The following ACOT7 variants were observed in gnomAD, a reference collection of about 807,000 sequenced individuals.
ACOT7 encodes cytosolic acyl coenzyme A thioester hydrolase.
A neutral mutation model predicts 40.2 loss-of-function variants in ACOT7; 12 were observed. That is an observed-to-expected ratio of 0.30 (90% CI 0.19 to 0.48). The LOEUF (loss-of-function observed/expected upper bound fraction) is 0.48. Among genes scored for constraint, ACOT7 ranks in the 20% least tolerant of loss-of-function variants. The probability of loss-of-function intolerance (pLI) is 0.99; values close to 1 mark genes in which losing one functional copy is unlikely to be tolerated. For missense variants in ACOT7, 395 were observed against 530.8 expected (o/e 0.74, Z 2.51); for synonymous variants, 228 against 219.5 (o/e 1.04, Z -0.34).
intron 7 of ACOT7, among the ~76,000 whole-genome samples, chr1:6,286,058 G>A (rs1419613611): frequency 6.6e-6 from 1 of 152,202 alleles, no homozygotes. Context: ...GCCATAACAA[G>A]GCAGCCAAGA....
chr1:6,294,962 A>G lies in ACOT7; in HGVS notation c.731T>C (p.Met244Thr). Residue 244 changes from methionine to threonine, a missense_variant, in exon 7 of 9, where the codon ATG (methionine) becomes ACG (threonine). Around this residue, in one of 2 missense-constraint regions of ACOT7, gnomAD observed 309 missense variants for 470.3 expected, o/e 0.66. Transcript: ENST00000361521. The surrounding 1 kb of genome is among the most constrained non-coding windows in gnomAD (Gnocchi z 4.6). Reference sequence around the variant, plus strand: ...AGCCACGATCCCGGCGACCTCATCCATGAGCTTCATGGTCACACCTGCGGA... The same window carrying G: ...AGCCACGATCCCGGCGACCTCATCCGTGAGCTTCATGGTCACACCTGCGGA... ...FVHGGVTMKLMDEVAGIVAAR... is the reference protein window; with the variant it reads ...FVHGGVTMKLTDEVAGIVAAR... The G allele has an allele frequency of 6.2e-7, 1 of 1,613,880 alleles. No individual in the cohort carries two copies. The highest frequency in any genetic ancestry group is 8.5e-7 in the Non-Finnish European group (1 of 1,179,864).
At position 6,299,511 on chromosome 1, in the gene ACOT7, G is replaced by A. The variant is rs978636670; in HGVS notation, c.713-4531C>T. ...CACACAGAGGGCATAGAGGACAGTC[G>A]GCCTCCCCTTACCAGGCACCACACA... On this transcript the variant is annotated intron_variant, in intron 6 of 8. Transcript: ENST00000361521. The surrounding 1 kb of genome is among the most constrained non-coding windows in gnomAD (Gnocchi z 4.1). 6.6e-6 allele frequency among the ~76,000 whole-genome samples: 1 copy of A among 151,846 alleles called. No individual in the cohort carries two copies. The highest frequency in any genetic ancestry group is 1.5e-5 in the Non-Finnish European group (1 of 67,966).
At chr1:6,331,469 C>G (rs997329852) in intron 4 of ACOT7, among the ~76,000 whole-genome samples, 1 of 152,184 alleles carries the variant, frequency 6.6e-6, no homozygotes, top group African/African-American at 2.4e-5. Flanking sequence ...ATGGAGGGCG[C>G]AGGGCCTTGC....
At chr1:6,273,395 G>A (rs1639091664) in intron 8 of ACOT7, among the ~76,000 whole-genome samples, 1 of 152,172 alleles carries the variant, frequency 6.6e-6, no homozygotes, top group Admixed American at 6.5e-5. Flanking sequence ...TGAGGCGACA[G>A]GGGCAGCTTC....
At chr1:6,364,651 T>C (rs927281269) in intron 1 of ACOT7, among the ~76,000 whole-genome samples, 9 of 151,102 alleles carry the variant, frequency 6.0e-5, no homozygotes, top group African/African-American at 1.9e-4. Flanking sequence ...AAATCGAGAC[T>C]ATCCTGGCCA....
intron 6 of ACOT7, among the ~76,000 whole-genome samples, chr1:6,304,772 G>T (rs1640078170): frequency 7.4e-6 from 1 of 134,930 alleles, no homozygotes; most frequent in South Asian, 2.5e-4. Flanking sequence ...AGAACAAAAT[G>T]AAAAGTCTCC....
rs749187380 is a variant in ACOT7 at position 6,278,609 on chromosome 1, C to T, written c.1014+2493G>A. Among the ~76,000 whole-genome samples the T allele has an allele frequency of 6.6e-6, 1 of 152,096 alleles. No homozygotes were observed. Among genetic ancestry groups the T allele is most frequent in the Non-Finnish European group, 1.5e-5 (1 of 68,024 alleles). Reference sequence around the variant, plus strand: ...CTGTATTTGTGATGCTTTTGGGAACCCTGTTGAGGGGCAGCACTGGCCAAG... The same window carrying T: ...CTGTATTTGTGATGCTTTTGGGAACTCTGTTGAGGGGCAGCACTGGCCAAG... On this transcript the variant is annotated intron_variant, in intron 8 of 8. Transcript: ENST00000361521. The surrounding 1 kb of genome is among the most constrained non-coding windows in gnomAD (Gnocchi z 4.1).
intron 8 of ACOT7, among the ~76,000 whole-genome samples, chr1:6,279,515 G>T (rs1411732063): frequency 1.3e-5 from 2 of 152,340 alleles, no homozygotes; most frequent in East Asian, 3.9e-4. Flanking sequence ...CCAAGTCAAA[G>T]AGGGGCCTGG....
At chr1:6,370,036 T>G (rs895096567) in intron 1 of ACOT7, among the ~76,000 whole-genome samples, 2 of 152,156 alleles carry the variant, frequency 1.3e-5, no homozygotes, top group Non-Finnish European at 2.9e-5. Context: ...TAATAGGAAG[T>G]GTTTGGGTCA....
At chr1:6,329,915 G>A (rs1268689364) in intron 4 of ACOT7, among the ~76,000 whole-genome samples, 2 of 152,152 alleles carry the variant, frequency 1.3e-5, no homozygotes, top group African/African-American at 4.8e-5. Context: ...CAGGCCCACC[G>A]AGGTTCCCTG....
Position 6,369,588 on chromosome 1 carries a change from T to C in ACOT7, c.144-19722A>G, listed in dbSNP as rs184620321. On this transcript the variant is annotated intron_variant, in intron 1 of 8. Coordinates refer to ENST00000361521, the MANE Select transcript of ACOT7 (RefSeq NM_007274.4). ...TGTCCAGCTAATTTCTTTTTTTTCT[T>C]TTTTTTTGGAGATGGAGTCTCGCTG... 8.0e-3 allele frequency among the ~76,000 whole-genome samples: 1,207 copies of C among 151,242 alleles called. 11 individuals are homozygous for C. The highest frequency in any genetic ancestry group is 0.062 in the Middle Eastern group (18 of 292).
At chr1:6,378,116 C>CTCCTCGGCTTCCGG (rs1465683780) in intron 1 of ACOT7, among the ~76,000 whole-genome samples, 4 of 147,314 alleles carry the variant, frequency 2.7e-5, no homozygotes, top group African/African-American at 2.4e-5. Flanking sequence ...GTTACAAGGC[C>CTCCTCGGCTTCCGG]AAAGCATCCA....
intron 1 of ACOT7, among the ~76,000 whole-genome samples, chr1:6,365,947 T>A (rs1348859529): frequency 6.6e-6 from 1 of 151,574 alleles, no homozygotes; most frequent in East Asian, 2.0e-4. Context: ...CAGGCTGGAA[T>A]GCAGTGGCAC....
At chr1:6,326,727 AC>A (rs1640807017) in intron 5 of ACOT7, among the ~76,000 whole-genome samples, 1 of 152,110 alleles carries the variant, frequency 6.6e-6, no homozygotes. Flanking sequence ...GGAGTTAGAG[AC>A]CAGCCTGGCC....
chr1:6,336,460 G>T (rs1222839270), intron 3 of ACOT7, among the ~76,000 whole-genome samples: 2 of 151,872 alleles, frequency 1.3e-5, no homozygotes, highest in African/African-American at 4.8e-5. Flanking sequence ...AGATAAATGA[G>T]CTGCCTCAAA....
In ACOT7 at chr1:6,280,935, C is replaced by T. The variant is rs149777887; in HGVS notation, c.1014+167G>A. Among the ~76,000 whole-genome samples, 504 of 152,300 alleles carry T rather than the reference C, an allele frequency of 3.3e-3. 1 individual carries two copies. The highest frequency in any genetic ancestry group is 0.012 in the African/African-American group (488 of 41,560). Reference sequence around the variant, plus strand: ...TCTCAAGGCCTCACCGGATCAGCCCCGCAGCCCGAGGTCACCGGTCACGGC... The same window carrying T: ...TCTCAAGGCCTCACCGGATCAGCCCTGCAGCCCGAGGTCACCGGTCACGGC... On this transcript the variant is annotated intron_variant, in intron 8 of 8. Coordinates refer to ENST00000361521, the MANE Select transcript of ACOT7 (RefSeq NM_007274.4).
At chr1:6,314,538 T>C (rs1476705787) in intron 6 of ACOT7, among the ~76,000 whole-genome samples, 2 of 151,568 alleles carry the variant, frequency 1.3e-5, no homozygotes, top group Admixed American at 6.6e-5. Flanking sequence ...TCCCAAGGTC[T>C]GGACCCCCAC....
At chr1:6,387,070 G>A (rs778344283) in intron 1 of ACOT7, among the ~76,000 whole-genome samples, 3 of 152,074 alleles carry the variant, frequency 2.0e-5, no homozygotes, top group Non-Finnish European at 4.4e-5. Flanking sequence ...AGGGCTACGG[G>A]GACACAGGAG....
chr1:6,361,873 G>C (rs560605718), intron 1 of ACOT7, among the ~76,000 whole-genome samples: 1 of 152,256 alleles, frequency 6.6e-6, no homozygotes, highest in South Asian at 2.1e-4. Flanking sequence ...CATAAGCACT[G>C]GCCATGTGGG....
Sources: allele counts gnomAD v4.1 joint callset (sites outside exome capture counted in the v4.1 genomes callset), GRCh38; gene constraint gnomAD v4.1.1; regional missense constraint gnomAD v4.1.1; non-coding constraint Gnocchi (gnomAD v3.1); transcripts MANE v1.5; gene names NCBI Gene and HGNC (gene_info 2026-07-23, HGNC 2026-07-21).